The following ACTR3 variants were observed in gnomAD, a reference collection of about 807,000 sequenced individuals.
ACTR3 encodes the protein actin-related protein 3.
Under a neutral mutation model 56.8 loss-of-function variants are expected in ACTR3, and 12 were observed. That is an observed-to-expected ratio of 0.21 (90% CI 0.14 to 0.34). ACTR3 has a LOEUF of 0.34. Among genes scored for constraint, ACTR3 ranks in the 10% least tolerant of loss-of-function variants. ACTR3 has a pLI of 1.00. For synonymous variants in ACTR3, 162 were observed against 167.4 expected, an observed-to-expected ratio of 0.97 and a Z score of 0.25; for missense variants, 282 against 512.5, an observed-to-expected ratio of 0.55 and a Z score of 4.34.
intron 6 of ACTR3, among the ~76,000 whole-genome samples, chr2:113,935,001 A>G (rs1291561429): frequency 1.3e-5 from 2 of 152,046 alleles, no homozygotes; most frequent in African/African-American, 4.8e-5. Context: ...TTATATTATA[A>G]TGAATATCAC....
Position 113,934,299 on chromosome 2 carries a change from A to T in ACTR3, c.453A>T (p.Ala151=), listed in dbSNP as rs1425416950. The T allele has an allele frequency of 3.1e-6, 5 of 1,596,668 alleles. No homozygotes were observed. Among genetic ancestry groups the T allele is most frequent in the Non-Finnish European group, 4.3e-6 (5 of 1,175,886 alleles). Residue 151 remains alanine, a synonymous_variant, in exon 6 of 12, where the codon GCA becomes GCT. Transcript: ENST00000263238. ...TCAAGGCTGTTCTTGCCTTAGCTGC[A>T]TCTTGGACCTCAAGACAAGTAGGAG... ...IAVQAVLALA[A]SWTSRQVGER... is the part of the protein sequence containing the mutation.
chr2:113,943,494 T>C (rs571417084), intron 8 of ACTR3, among the ~76,000 whole-genome samples: 1 of 152,316 alleles, frequency 6.6e-6, no homozygotes, highest in South Asian at 2.1e-4. Context: ...ATTAGAAAGG[T>C]TACTCTCGCA....
At chr2:113,892,984 T>C (rs1398041516) in intron 1 of ACTR3, among the ~76,000 whole-genome samples, 1 of 152,226 alleles carries the variant, frequency 6.6e-6, no homozygotes, top group Non-Finnish European at 1.5e-5. Context: ...AGAATACTTA[T>C]TTTGAAAAGA....
chr2:113,927,704 CAGTA>C (rs1388797011), intron 4 of ACTR3, among the ~76,000 whole-genome samples: 1 of 152,092 alleles, frequency 6.6e-6, no homozygotes, highest in Non-Finnish European at 1.5e-5. Context: ...ATGATAGAAA[CAGTA>C]AGTAATGTTC....
chr2:113,901,528 T>C (rs1343155877), intron 1 of ACTR3, among the ~76,000 whole-genome samples: 1 of 152,244 alleles, frequency 6.6e-6, no homozygotes, highest in Non-Finnish European at 1.5e-5. Context: ...CATAAAATTA[T>C]ATAAGATGTA....
chr2:113,903,046 A>G (rs1679130766), intron 1 of ACTR3, among the ~76,000 whole-genome samples: 1 of 152,240 alleles, frequency 6.6e-6, no homozygotes, highest in African/African-American at 2.4e-5. Context: ...AAAATACTGT[A>G]TGTTATTAAC....
intron 1 of ACTR3, among the ~76,000 whole-genome samples, chr2:113,892,722 G>C (rs1158961331): frequency 6.6e-6 from 1 of 152,134 alleles, no homozygotes; most frequent in Non-Finnish European, 1.5e-5. Context: ...AATGCATTCA[G>C]CTCTGAGGTC....
intron 3 of ACTR3, among the ~76,000 whole-genome samples, chr2:113,917,768 T>G (rs1002835790): frequency 2.6e-5 from 4 of 152,142 alleles, no homozygotes; most frequent in African/African-American, 9.7e-5. Context: ...TAAAAAAATT[T>G]CCCCGACTGC....
intron 10 of ACTR3, chr2:113,955,134 A>C (rs1680187998): frequency 6.6e-6 from 1 of 152,320 alleles, no homozygotes; most frequent in Non-Finnish European, 1.5e-5. Flanking sequence ...AATAGACCCA[A>C]AACTAGAATT....
chr2:113,950,507 G>T (rs1248759556), intron 8 of ACTR3, among the ~76,000 whole-genome samples: 1 of 152,184 alleles, frequency 6.6e-6, no homozygotes, highest in Non-Finnish European at 1.5e-5. Context: ...GCATGTCCAT[G>T]AATAACCATA....
At chr2:113,914,449 A>G (rs931599958) in intron 2 of ACTR3, among the ~76,000 whole-genome samples, 1 of 152,094 alleles carries the variant, frequency 6.6e-6, no homozygotes, top group South Asian at 2.1e-4. Context: ...TGTCTCTACT[A>G]AAAATACAAA....
chr2:113,945,647 T>C (rs536874204), intron 8 of ACTR3, among the ~76,000 whole-genome samples: 1 of 151,502 alleles, frequency 6.6e-6, no homozygotes, highest in South Asian at 2.1e-4. Flanking sequence ...CTTCATTTTC[T>C]TTTTTTTTAA....
intron 6 of ACTR3, among the ~76,000 whole-genome samples, chr2:113,934,837 A>T (rs1302657919): frequency 6.6e-6 from 1 of 152,218 alleles, no homozygotes; most frequent in South Asian, 2.1e-4. Context: ...TGTCAGAAAT[A>T]ACATTTTTCT....
chr2:113,893,014 A>T (rs1174182845), intron 1 of ACTR3, among the ~76,000 whole-genome samples: 2 of 150,582 alleles, frequency 1.3e-5, no homozygotes, highest in East Asian at 2.0e-4. Flanking sequence ...GAAATGCTTC[A>T]TTCACATTGA....
intron 1 of ACTR3, among the ~76,000 whole-genome samples, chr2:113,910,075 C>T (rs1204670608): frequency 6.6e-6 from 1 of 152,130 alleles, no homozygotes; most frequent in Admixed American, 6.5e-5. Context: ...TGTTGGCTGG[C>T]AGCCCCTAGG....
rs1481308679 is a variant in ACTR3, at chr2:113,951,761, T to C, written c.993T>C (p.Phe331=). ...LSGGSTMFRD[F]GRRLQRDLKR... The stretch of plus-strand genomic sequence containing the variant: ...GAGGTTCAACCATGTTCAGGGACTT[T>C]GGACGTCGCTTGCAAAGAGATTTGA... The change falls in exon 10 of 12, where the codon TTT becomes TTC. Residue 331 remains phenylalanine (F), a synonymous_variant. Coordinates refer to ENST00000263238, the MANE Select transcript of ACTR3 (RefSeq NM_005721.5). 1.2e-6 allele frequency: 2 copies of C among 1,613,636 alleles called. No homozygotes were observed. The highest frequency in any genetic ancestry group is 2.2e-5 in the East Asian group (1 of 44,856).
chr2:113,900,761 A>T (rs900288283), intron 1 of ACTR3, among the ~76,000 whole-genome samples: 1 of 152,178 alleles, frequency 6.6e-6, no homozygotes, highest in Non-Finnish European at 1.5e-5. Flanking sequence ...TCTCCCCACT[A>T]GTGAAAAGGA....
In ACTR3 at chr2:113,951,825, T is replaced by G; in HGVS notation, c.1057T>G (p.Leu353Val). Residue 353 changes from leucine (L) to valine (V), a missense_variant, in exon 10 of 12, where the codon TTG (leucine) becomes GTG (valine). Physicochemically the swap from Leu to Val is conservative, Grantham distance 32 (BLOSUM62 1). Coordinates refer to ENST00000263238, the MANE Select transcript of ACTR3 (RefSeq NM_005721.5). Reference protein sequence around the residue: ...VDARLKLSEELSGGRLKPKPI... With the variant: ...VDARLKLSEEVSGGRLKPKPI... Reference sequence around the variant, plus strand: ...TGCCCGGCTGAAATTAAGTGAGGAATTGAGTGGTGGTAGATTGAAGGTTGG... The same window carrying G: ...TGCCCGGCTGAAATTAAGTGAGGAAGTGAGTGGTGGTAGATTGAAGGTTGG... 6.2e-7 allele frequency: 1 copy of G among 1,613,390 alleles called. No homozygotes were observed. Among genetic ancestry groups the G allele is most frequent in the Non-Finnish European group, 8.5e-7 (1 of 1,179,476 alleles).
chr2:113,890,436 A>G, intron 1 of ACTR3, 113 bp downstream of exon 1: 2 of 1,330,474 alleles, frequency 1.5e-6, no homozygotes, highest in Non-Finnish European at 2.0e-6. Flanking sequence ...GCCGGCTGTC[A>G]GTCCTAGACC....
Sources: allele counts gnomAD v4.1 joint callset (sites outside exome capture counted in the v4.1 genomes callset), GRCh38; gene constraint gnomAD v4.1.1; transcripts MANE v1.5; gene names NCBI Gene and HGNC (gene_info 2026-07-23, HGNC 2026-07-21).